Variants in SMCO2 observed in about 807,000 individuals in gnomAD.
SMCO2 encodes the protein single-pass membrane protein with coiled-coil domains 2, also known as single-pass membrane and coiled-coil domain-containing protein 2.
In SMCO2, 25 loss-of-function variants were observed where a neutral mutation model predicts 29.5. The ratio of observed to expected loss-of-function variants is 0.85; its 90% CI spans 0.62 to 1.18. The LOEUF is 1.18. Ranked by LOEUF, SMCO2 falls within the 50% of genes most tolerant of loss-of-function variation. The pLI is 0.00. For synonymous variants in SMCO2, 117 were observed against 123.3 expected, an observed-to-expected ratio of 0.95 and a Z score of 0.34; for missense variants, 348 against 344.5, an observed-to-expected ratio of 1.01 and a Z score of -0.08.
chr12:27,430,700 C>T, the SMCO2 span, among the ~76,000 whole-genome samples: 3 of 152,108 alleles, frequency 2.0e-5, no homozygotes, highest in South Asian at 2.1e-4. Context: ...AAATACTTAC[C>T]GTGGCTGGCA....
the SMCO2 span, among the ~76,000 whole-genome samples, chr12:27,434,647 TA>T: frequency 6.6e-6 from 1 of 152,092 alleles, no homozygotes; most frequent in African/African-American, 2.4e-5. Context: ...TTAGTTTATT[TA>T]AAAAAACAAG....
chr12:27,501,979 T>C, exon 8 of SMCO2: 2 of 1,547,824 alleles, frequency 1.3e-6, no homozygotes, highest in Non-Finnish European at 1.7e-6. Context: ...ACTGGACTTT[T>C]ATGTTACATA....
At chr12:27,477,210 G>GTTTTTT (rs770789669) in intron 4 of SMCO2, among the ~76,000 whole-genome samples, 9 of 62,642 alleles carry the variant, frequency 1.4e-4, no homozygotes, top group South Asian at 6.3e-4. Context: ...TGGCTGTCAG[G>GTTTTTT]TTTTTTTTTT....
chr12:27,473,704 T>C (rs148360384), intron 3 of SMCO2, among the ~76,000 whole-genome samples: 85 of 152,334 alleles, frequency 5.6e-4, no homozygotes, highest in African/African-American at 1.8e-3. Flanking sequence ...TTCTATTGAC[T>C]TGGCCAGTAG....
intron 1 of SMCO2, 124 bp from the exon 2 acceptor site, chr12:27,470,498 C>T (rs1565673831): frequency 1.5e-5 from 13 of 847,162 alleles, no homozygotes; most frequent in Non-Finnish European, 1.8e-5. Flanking sequence ...GATGAACAGC[C>T]AGTTGAAAGG....
chr12:27,497,076 A>T, intron 7 of SMCO2: 1 of 155,878 alleles, frequency 6.4e-6, no homozygotes. Flanking sequence ...CATATTCCTC[A>T]CCTGCAAGAT....
intron 4 of SMCO2, among the ~76,000 whole-genome samples, 169 bp from the exon 6 acceptor site, chr12:27,488,291 G>C (rs944838929): frequency 6.6e-6 from 1 of 151,834 alleles, no homozygotes; most frequent in Non-Finnish European, 1.5e-5. Context: ...AGATTACTTA[G>C]AGTACTTTTT....
At chr12:27,451,142 C>T in the SMCO2 span, among the ~76,000 whole-genome samples, 2 of 152,218 alleles carry the variant, frequency 1.3e-5, no homozygotes, top group Non-Finnish European at 2.9e-5. Flanking sequence ...TCCAAAATTT[C>T]AGATTACAGT....
At chr12:27,467,324 C>A (rs114595572) in intron 1 of SMCO2, among the ~76,000 whole-genome samples, 32 of 152,210 alleles carry the variant, frequency 2.1e-4, no homozygotes, top group African/African-American at 7.5e-4. Flanking sequence ...ATGGGGTAAG[C>A]ACACAAGAAT....
chr12:27,438,670 A>G, the SMCO2 span, among the ~76,000 whole-genome samples: 4,343 of 152,280 alleles, frequency 0.029, 93 homozygotes, highest in Non-Finnish European at 0.046. Context: ...TCAATCCTTT[A>G]CATGTTAGAG....
chr12:27,426,600 GTTAA>G, the SMCO2 span, among the ~76,000 whole-genome samples: 9 of 152,288 alleles, frequency 5.9e-5, no homozygotes, highest in African/African-American at 1.2e-4. Context: ...ATCATTATAT[GTTAA>G]TTTATAAGCT....
chr12:27,466,230 C>T (rs1005425787), upstream of SMCO2, among the ~76,000 whole-genome samples: 3 of 151,788 alleles, frequency 2.0e-5, no homozygotes, highest in South Asian at 2.1e-4. Context: ...GAGACCAGCC[C>T]GGCCAACATG....
At chr12:27,429,508 C>T in the SMCO2 span, among the ~76,000 whole-genome samples, 6 of 151,644 alleles carry the variant, frequency 4.0e-5, no homozygotes, top group African/African-American at 1.5e-4. Context: ...CCACCTTAGC[C>T]CTAATTCTTG....
At chr12:27,492,810 G>A (rs575127829) in intron 5 of SMCO2, among the ~76,000 whole-genome samples, 4 of 152,044 alleles carry the variant, frequency 2.6e-5, no homozygotes, top group African/African-American at 4.8e-5. Flanking sequence ...ACTACCAGTC[G>A]ACCCAGCAAT....
Position 27,488,455 on chromosome 12 carries a change from T to C in SMCO2, c.363-5T>C. 2 of 1,524,880 alleles carry C rather than the reference T, an allele frequency of 1.3e-6. No homozygotes were observed. Among genetic ancestry groups the C allele is most frequent in the Non-Finnish European group, 1.8e-6 (2 of 1,134,468 alleles). The allele number at this position is 1,524,880 out of a possible 1,614,324, so 94.5% of individuals were successfully genotyped here. A position where few individuals can be genotyped will look rare whatever the true frequency, so the allele number is the denominator to read the frequency against. On this transcript the variant is annotated splice_region_variant and splice_polypyrimidine_tract_variant and intron_variant, in intron 4 of 7. Transcript: ENST00000298876. ...GCAGGCCTTAGTATCTTGGTCTGTT[T>C]GCAGCTTATTAAAAGACATGCTGAC...
In SMCO2 at chr12:27,487,724, T is replaced by G. The variant is rs1289967122; in HGVS notation, c.363-736T>G. ...CGTTTCTCCACATCCTCACTAGCATTTGGTGTTATCACTATTCTTCTTTTC... is the reference window on the plus strand; with the variant it reads ...CGTTTCTCCACATCCTCACTAGCATGTGGTGTTATCACTATTCTTCTTTTC... On this transcript the variant is annotated intron_variant, in intron 4 of 7. Coordinates refer to ENST00000298876, the Ensembl canonical transcript of SMCO2. 1.3e-5 allele frequency among the ~76,000 whole-genome samples: 2 copies of G among 152,072 alleles called. 1 individual carries two copies. Among genetic ancestry groups the G allele is most frequent in the East Asian group, 3.9e-4 (2 of 5,172 alleles).
chr12:27,485,203 T>A (rs1379593547), intron 4 of SMCO2, among the ~76,000 whole-genome samples: 2 of 151,756 alleles, frequency 1.3e-5, no homozygotes, highest in Non-Finnish European at 1.5e-5. Flanking sequence ...TTCACTAATC[T>A]TTTGGTTCTG....
chr12:27,445,361 TTAGAA>T, the SMCO2 span, among the ~76,000 whole-genome samples: 1 of 152,236 alleles, frequency 6.6e-6, no homozygotes, highest in African/African-American at 2.4e-5. Flanking sequence ...TGAATTTTTT[TTAGAA>T]TAAGTATATT....
intron 5 of SMCO2, among the ~76,000 whole-genome samples, chr12:27,491,729 A>G (rs1387586010): frequency 2.7e-5 from 4 of 147,970 alleles, no homozygotes; most frequent in African/African-American, 5.0e-5. Context: ...TTTTTGAGAT[A>G]GTCTCATTCT....
Sources: gnomAD v4.1 joint callset for allele counts (sites outside exome capture counted in the v4.1 genomes callset) on GRCh38, gnomAD v4.1.1 for gene constraint, MANE v1.5 for transcripts, NCBI Gene and HGNC (gene_info 2026-07-23, HGNC 2026-07-21) for gene names.